Variants in AAMDC observed in about 807,000 individuals in gnomAD.
The protein encoded by AAMDC is adipogenesis associated Mth938 domain containing, also known as mth938 domain-containing protein.
A neutral mutation model predicts 15.5 loss-of-function variants in AAMDC; 16 were observed. That is an observed-to-expected ratio of 1.03 (90% CI 0.70 to 1.57). The LOEUF (loss-of-function observed/expected upper bound fraction) is 1.57, where lower values mean the gene tolerates loss of function less well. AAMDC is among the 40% of genes most tolerant of loss of function. AAMDC has a pLI of 0.00. For synonymous variants in AAMDC, 51 were observed against 51.6 expected, an observed-to-expected ratio of 0.99 and a Z score of 0.05; for missense variants, 141 against 144.9, an observed-to-expected ratio of 0.97 and a Z score of 0.14.
intron 2 of AAMDC, among the ~76,000 whole-genome samples, chr11:77,856,368 G>T (rs1221893829): frequency 1.3e-5 from 2 of 152,066 alleles, no homozygotes; most frequent in African/African-American, 4.8e-5. Flanking sequence ...TTCCAAATTT[G>T]CCCTCATCTT....
At chr11:77,825,971 C>T (rs1304874008) in intron 1 of AAMDC, among the ~76,000 whole-genome samples, 2 of 152,120 alleles carry the variant, frequency 1.3e-5, no homozygotes, top group Non-Finnish European at 2.9e-5. Flanking sequence ...GGATTACAAG[C>T]GTGAGCCACC....
intron 2 of AAMDC, among the ~76,000 whole-genome samples, chr11:77,846,522 C>T (rs559530665): frequency 2.0e-5 from 3 of 152,242 alleles, no homozygotes; most frequent in East Asian, 1.9e-4. Context: ...GCCTGACCAA[C>T]GTGGAGAAAC....
At chr11:77,842,797 C>T (rs1217952270) in intron 2 of AAMDC, among the ~76,000 whole-genome samples, 169 bp downstream of exon 2, 2 of 152,204 alleles carry the variant, frequency 1.3e-5, no homozygotes, top group African/African-American at 2.4e-5. Flanking sequence ...GGACTTCTTA[C>T]ATTCAATGCC....
chr11:77,860,003 T>C (rs1046934043), intron 2 of AAMDC, among the ~76,000 whole-genome samples: 1 of 152,254 alleles, frequency 6.6e-6, no homozygotes, highest in Non-Finnish European at 1.5e-5. Context: ...CTGCTATTGC[T>C]GCCATTACCC....
At chr11:77,903,636 A>G (rs1952847846), downstream of AAMDC, 1 of 1,601,846 alleles carries the variant, frequency 6.2e-7, no homozygotes, top group Non-Finnish European at 8.5e-7. Context: ...CAGACAAATC[A>G]GGAGGGAACA....
chr11:77,891,549 T>C (rs1952267903), intron 5 of AAMDC: 2 of 1,569,172 alleles, frequency 1.3e-6, no homozygotes, highest in Admixed American at 1.8e-5. Context: ...CCTTATCTAA[T>C]GAGTGGGCAT....
At chr11:77,876,906 G>T (rs1191389414), downstream of AAMDC, 3 of 697,884 alleles carry the variant, frequency 4.3e-6, no homozygotes, top group East Asian at 2.7e-5. Flanking sequence ...ATTACAGCAC[G>T]ATGGGCTCAG....
chr11:77,900,683 A>G (rs536302444), exon 6 of AAMDC: 87 of 685,916 alleles, frequency 1.3e-4, no homozygotes, highest in Non-Finnish European at 2.0e-4. Context: ...ATTTTATGAA[A>G]TAGTAAGAAA....
intron 5 of AAMDC, among the ~76,000 whole-genome samples, chr11:77,889,901 C>G (rs751013005): frequency 6.6e-6 from 1 of 152,146 alleles, no homozygotes; most frequent in Non-Finnish European, 1.5e-5. Context: ...AGTAACCTGC[C>G]TACAATCTCC....
At chr11:77,823,621 C>CA (rs397970373) in intron 1 of AAMDC, among the ~76,000 whole-genome samples, 59,061 of 97,304 alleles carry the variant, frequency 0.61, 17,161 homozygotes, top group South Asian at 0.78. Flanking sequence ...CACCCTGTCT[C>CA]AAAAAAAAAA....
chr11:77,851,556 G>C (rs1434688981), intron 2 of AAMDC: 1 of 152,164 alleles, frequency 6.6e-6, no homozygotes, highest in African/African-American at 2.4e-5. Context: ...CAATGTTGGA[G>C]GTGGGGCTTG....
At chr11:77,901,542 C>T (rs1341288148), downstream of AAMDC, 2 of 1,603,126 alleles carry the variant, frequency 1.2e-6, no homozygotes, top group Admixed American at 3.3e-5. Flanking sequence ...TTGTAGGTCT[C>T]TTCCATAATC....
At chr11:77,832,205 G>A (rs1222577920) in intron 1 of AAMDC, among the ~76,000 whole-genome samples, 1 of 151,976 alleles carries the variant, frequency 6.6e-6, no homozygotes, top group African/African-American at 2.4e-5. Context: ...ACAATTATAG[G>A]TTTGGAAGTG....
chr11:77,878,735 C>G (rs1565217722), intron 5 of AAMDC: 1 of 695,536 alleles, frequency 1.4e-6, no homozygotes. Flanking sequence ...GTTTTCTCAA[C>G]TTTATTGTGG....
downstream of AAMDC, among the ~76,000 whole-genome samples, chr11:77,905,253 T>C (rs576571712): frequency 9.2e-5 from 14 of 152,108 alleles, no homozygotes; most frequent in East Asian, 2.5e-3. Context: ...GGTCAGGAGA[T>C]GGAGACCAGC....
intron 2 of AAMDC, among the ~76,000 whole-genome samples, chr11:77,858,701 T>C (rs918353618): frequency 2.6e-5 from 4 of 152,110 alleles, no homozygotes; most frequent in Admixed American, 6.5e-5. Flanking sequence ...TTCTGCTGAA[T>C]TGGGGCATAG....
chr11:77,902,051 A>T (rs528701962), downstream of AAMDC, among the ~76,000 whole-genome samples: 2 of 152,232 alleles, frequency 1.3e-5, no homozygotes, highest in African/African-American at 4.8e-5. Flanking sequence ...CCCCAGATCA[A>T]GTCCCCGATC....
chr11:77,872,272 C>T lies in AAMDC; in HGVS notation c.326C>T (p.Ala109Val), dbSNP rs1479738105. Reference sequence around the variant, plus strand: ...GTGAAGGAGTATAATGCCTTGGTTGCCCAAGGGGTCAGGGTGGGAGGTGTC... The same window carrying T: ...GTGAAGGAGTATAATGCCTTGGTTGTCCAAGGGGTCAGGGTGGGAGGTGTC... ...QAVKEYNALV[A>V]QGVRVGGVFH... Residue 109 changes from alanine to valine, a missense_variant, in exon 4 of 4, where the codon GCC (alanine) becomes GTC (valine). By Grantham distance (64) the Ala-to-Val change is moderately conservative (BLOSUM62 0). Coordinates refer to ENST00000393427, the MANE Select transcript of AAMDC (RefSeq NM_024684.4). 2 of 1,613,428 alleles carry T rather than the reference C, an allele frequency of 1.2e-6. No homozygotes were observed. The highest frequency in any genetic ancestry group is 1.3e-5 in the African/African-American group (1 of 74,986).
chr11:77,825,726 C>G (rs369913066), intron 1 of AAMDC, among the ~76,000 whole-genome samples: 69 of 150,612 alleles, frequency 4.6e-4, no homozygotes, highest in African/African-American at 1.6e-3. Flanking sequence ...CAGTCTCACT[C>G]TGTCGCCCTG....
Sources: allele counts gnomAD v4.1 joint callset (sites outside exome capture counted in the v4.1 genomes callset), GRCh38; gene constraint gnomAD v4.1.1; transcripts MANE v1.5; gene names NCBI Gene and HGNC (gene_info 2026-07-23, HGNC 2026-07-21).